RAB3IP: variants seen among roughly 807,000 people sequenced by gnomAD.
The protein encoded by RAB3IP is rab-3A-interacting protein.
A neutral mutation model predicts 59.1 loss-of-function variants in RAB3IP; 36 were observed. The ratio of observed to expected loss-of-function variants is 0.61; its 90% CI spans 0.47 to 0.80. RAB3IP has a LOEUF of 0.80. RAB3IP is among the 30% of genes least tolerant of loss of function. The pLI, the probability that RAB3IP is intolerant of heterozygous loss-of-function variation, is 0.00. For synonymous variants in RAB3IP, 207 were observed against 191.2 expected (o/e 1.08, Z -0.68); for missense variants, 511 against 536.0 (o/e 0.95, Z 0.46).
intron 6 of RAB3IP, among the ~76,000 whole-genome samples, chr12:69,799,605 CT>C (rs1302391635): frequency 6.6e-6 from 1 of 151,826 alleles, no homozygotes. Context: ...GTTTAGAAGG[CT>C]TTACGTATTC....
intron 3 of RAB3IP, among the ~76,000 whole-genome samples, chr12:69,762,856 A>G (rs1871578134): frequency 6.6e-6 from 1 of 152,128 alleles, no homozygotes. Flanking sequence ...TAGCTTGCAA[A>G]GAGAGTCATT....
At chr12:69,745,741 T>C (rs1163891942) in intron 1 of RAB3IP, among the ~76,000 whole-genome samples, 1 of 152,200 alleles carries the variant, frequency 6.6e-6, no homozygotes, top group Non-Finnish European at 1.5e-5. Context: ...ACACGTGCCA[T>C]GGTGGTTTAC....
chr12:69,799,461 A>G (rs1878034019), intron 6 of RAB3IP, among the ~76,000 whole-genome samples: 1 of 152,136 alleles, frequency 6.6e-6, no homozygotes, highest in Admixed American at 6.6e-5. Context: ...GGGAGGTGAG[A>G]AAGAGAGGGA....
At chr12:69,814,219 G>A (rs540588088) in intron 10 of RAB3IP, among the ~76,000 whole-genome samples, 7 of 152,216 alleles carry the variant, frequency 4.6e-5, no homozygotes, top group African/African-American at 1.2e-4. Flanking sequence ...GTTTAAATAA[G>A]AAGCTTGGAA....
At chr12:69,798,159 A>G (rs1475883395) in intron 6 of RAB3IP, among the ~76,000 whole-genome samples, 3 of 152,160 alleles carry the variant, frequency 2.0e-5, no homozygotes, top group South Asian at 2.1e-4. Flanking sequence ...AAGTGTTCCT[A>G]TTCCTCTACA....
intron 3 of RAB3IP, among the ~76,000 whole-genome samples, chr12:69,770,780 T>C (rs1354932516): frequency 1.3e-5 from 2 of 152,086 alleles, no homozygotes; most frequent in East Asian, 1.9e-4. Flanking sequence ...CATACACATA[T>C]ACATATATAC....
At position 69,788,623 on chromosome 12, in the gene RAB3IP, C is replaced by T. The variant is rs551168334; in HGVS notation, c.606+3808C>T. On this transcript the variant is annotated intron_variant, in intron 4 of 10. Transcript: ENST00000247833. ...CATTAATAATAGGTGACTTCAATAC[C>T]ACAGTCTCTCTAATGAGTAGATTAT... 3.9e-5 allele frequency among the ~76,000 whole-genome samples: 6 copies of T among 152,122 alleles called. No individual in the cohort carries two copies. In the South Asian group the frequency reaches 1.2e-3, roughly 32 times the overall value.
intron 8 of RAB3IP, among the ~76,000 whole-genome samples, chr12:69,806,740 TTG>T (rs2136267783): frequency 6.6e-6 from 1 of 152,248 alleles, no homozygotes; most frequent in East Asian, 1.9e-4. Context: ...TCCGCAGTGT[TTG>T]TGTCCCTGGG....
At position 69,823,022 on chromosome 12, in the gene RAB3IP, A is replaced by G. The variant is rs1195092874; in HGVS notation, c.*7576A>G. The G allele has an allele frequency of 6.6e-6, 1 of 152,196 alleles. No individual in the cohort carries two copies. Among genetic ancestry groups the G allele is most frequent in the Non-Finnish European group, 1.5e-5 (1 of 68,040 alleles). 9.4% of individuals were successfully genotyped at this position (152,196 alleles called of 1,614,324 possible). ...TAGTTTCAAATAGCTAATAGCTGGA[A>G]GGAAGTTGTTGAATGTTTCCAACAT... On this transcript the variant is annotated 3_prime_UTR_variant, in exon 11 of 11. Coordinates refer to ENST00000247833, the MANE Select transcript of RAB3IP (RefSeq NM_022456.5).
intron 8 of RAB3IP, among the ~76,000 whole-genome samples, chr12:69,803,635 T>G (rs1340051345): frequency 6.6e-6 from 1 of 152,082 alleles, no homozygotes; most frequent in African/African-American, 2.4e-5. Context: ...CTCCTAATGC[T>G]ATCCCTCCCC....
At chr12:69,780,583 G>T (rs1053820506) in intron 3 of RAB3IP, among the ~76,000 whole-genome samples, 43 of 152,328 alleles carry the variant, frequency 2.8e-4, no homozygotes, top group African/African-American at 1.0e-3. Context: ...AGGCTGACAG[G>T]TCCTTCAAGG....
upstream of RAB3IP, chr12:69,738,607 G>A (rs1016857481): frequency 1.3e-5 from 2 of 151,906 alleles, no homozygotes; most frequent in African/African-American, 2.4e-5. Flanking sequence ...ACGAAACAGA[G>A]CGCGGGCCCG....
Position 69,816,190 on chromosome 12 carries a change from G to A in RAB3IP, c.*744G>A, listed in dbSNP as rs1881121528. The A allele has an allele frequency of 6.6e-6, 1 of 152,218 alleles. No homozygotes were observed. Among genetic ancestry groups the A allele is most frequent in the Non-Finnish European group, 1.5e-5 (1 of 68,040 alleles). 9.4% of individuals were successfully genotyped at this position (152,218 alleles called of 1,614,324 possible). On this transcript the variant is annotated 3_prime_UTR_variant, in exon 11 of 11. Coordinates refer to ENST00000247833, the MANE Select transcript of RAB3IP (RefSeq NM_022456.5). ...ACGTGTGTCAAAGGGGTTTAAAGGGGTGTGGATTGAATGAATGGTACGTGC... is the reference window on the plus strand; with the variant it reads ...ACGTGTGTCAAAGGGGTTTAAAGGGATGTGGATTGAATGAATGGTACGTGC...
rs1479183683 is a variant in RAB3IP, at chr12:69,762,780, GAAAAAAGA to G, written c.510+6118_510+6125del. Among the ~76,000 whole-genome samples, 530 of 108,146 alleles carry G rather than the reference GAAAAAAGA, an allele frequency of 4.9e-3. 1 individual carries two copies. The highest frequency in any genetic ancestry group is 0.016 in the African/African-American group (496 of 30,100). 70.9% of individuals were successfully genotyped at this position (108,146 alleles called of 152,430 possible). ...TCAAAAAAAAAAAAAAAAAAAAAAA[GAAAAAAGA>G]GAAAAAGAGAAAAAGAAAAAGAAAA... On this transcript the variant is annotated intron_variant, in intron 3 of 10. Coordinates refer to ENST00000247833, the MANE Select transcript of RAB3IP (RefSeq NM_022456.5).
chr12:69,798,488 G>A (rs1331605447), intron 6 of RAB3IP, among the ~76,000 whole-genome samples: 1 of 151,510 alleles, frequency 6.6e-6, no homozygotes, highest in Non-Finnish European at 1.5e-5. Flanking sequence ...TGTTCACTCT[G>A]ATGGTAGTTT....
chr12:69,790,915 T>C (rs1285476953), intron 4 of RAB3IP, among the ~76,000 whole-genome samples: 1 of 152,192 alleles, frequency 6.6e-6, no homozygotes, highest in East Asian at 1.9e-4. Flanking sequence ...AAAATAAAGC[T>C]GGATGCATCA....
intron 8 of RAB3IP, among the ~76,000 whole-genome samples, chr12:69,811,559 C>T (rs1880462423): frequency 6.6e-6 from 1 of 152,172 alleles, no homozygotes; most frequent in Admixed American, 6.5e-5. Context: ...ACATTTTCCT[C>T]TTATGCAAAT....
Position 69,756,665 on chromosome 12 carries a change from TAAGA to T in RAB3IP, c.510+8_510+11del, listed in dbSNP as rs1870280243. 1 of 1,608,042 alleles carries T rather than the reference TAAGA, an allele frequency of 6.2e-7. No homozygotes were observed. The highest frequency in any genetic ancestry group is 1.1e-5 in the South Asian group (1 of 90,032). On this transcript the variant is annotated splice_donor_5th_base_variant and intron_variant, in intron 3 of 10. Transcript: ENST00000247833. Reference sequence around the variant, plus strand: ...GAAGAACTCGCAAAAGCTCAGAGGGTAAGAAAGAAGATATTTTATTCTTCCATAT... The same window carrying T: ...GAAGAACTCGCAAAAGCTCAGAGGGTAAGAAGATATTTTATTCTTCCATAT...
intron 4 of RAB3IP, 61 bp downstream of exon 4, chr12:69,784,876 G>T: frequency 1.1e-6 from 1 of 914,616 alleles, no homozygotes; most frequent in Middle Eastern, 2.2e-4. Flanking sequence ...TGACAAAATT[G>T]TATTTTGAGG....
Sources: allele counts gnomAD v4.1 joint callset (sites outside exome capture counted in the v4.1 genomes callset), GRCh38; gene constraint gnomAD v4.1.1; transcripts MANE v1.5; gene names NCBI Gene and HGNC (gene_info 2026-07-23, HGNC 2026-07-21).